The following LRRTM4 variants were observed in gnomAD, a reference collection of about 807,000 sequenced individuals.
LRRTM4 encodes leucine rich repeat transmembrane neuronal 4.
Under a neutral mutation model 47.6 loss-of-function variants are expected in LRRTM4, and 25 were observed. The ratio of observed to expected loss-of-function variants is 0.53; its 90% CI spans 0.38 to 0.73. The LOEUF (loss-of-function observed/expected upper bound fraction) is 0.73. Ranked by LOEUF, LRRTM4 falls within the 30% of genes least tolerant of loss-of-function variation. LRRTM4 has a pLI of 0.00. For missense variants in LRRTM4, 638 were observed against 713.4 expected, an observed-to-expected ratio of 0.89 and a Z score of 1.20; for synonymous variants, 311 against 269.5, an observed-to-expected ratio of 1.15 and a Z score of -1.51.
intron 3 of LRRTM4, among the ~76,000 whole-genome samples, chr2:77,164,791 A>G (rs934110621): frequency 6.6e-6 from 1 of 152,200 alleles, no homozygotes; most frequent in Non-Finnish European, 1.5e-5. Flanking sequence ...ACATGCCAAA[A>G]TCTCTGGGAC....
intron 3 of LRRTM4, among the ~76,000 whole-genome samples, chr2:76,878,742 T>G (rs1057186567): frequency 6.6e-6 from 1 of 151,936 alleles, no homozygotes; most frequent in African/African-American, 2.4e-5. Flanking sequence ...GGCATGGTGG[T>G]GGGTGCTTGG....
intron 3 of LRRTM4, among the ~76,000 whole-genome samples, chr2:77,198,610 T>C (rs1434536418): frequency 6.6e-6 from 1 of 152,200 alleles, no homozygotes; most frequent in Non-Finnish European, 1.5e-5. Flanking sequence ...ATGAAAAACC[T>C]AGATATATTT....
chr2:76,980,260 G>A (rs1256445996), intron 3 of LRRTM4, among the ~76,000 whole-genome samples: 2 of 152,078 alleles, frequency 1.3e-5, no homozygotes, highest in African/African-American at 2.4e-5. Context: ...GTCCCTGGGG[G>A]AAGCTTCTGC....
intron 3 of LRRTM4, among the ~76,000 whole-genome samples, chr2:77,172,629 A>C (rs965904736): frequency 6.6e-6 from 1 of 152,092 alleles, no homozygotes; most frequent in African/African-American, 2.4e-5. Flanking sequence ...AAATAAATAA[A>C]GTGCTAAACT....
chr2:76,795,382 A>G (rs1320750593), intron 3 of LRRTM4, among the ~76,000 whole-genome samples: 2 of 152,102 alleles, frequency 1.3e-5, no homozygotes, highest in Non-Finnish European at 2.9e-5. Flanking sequence ...ATATAAGACA[A>G]TTAACAAAAA....
chr2:77,008,715 C>T (rs753630094), intron 3 of LRRTM4, among the ~76,000 whole-genome samples: 1 of 152,060 alleles, frequency 6.6e-6, no homozygotes, highest in East Asian at 1.9e-4. Flanking sequence ...ATCAACTCAG[C>T]GAATTTATTG....
intron 3 of LRRTM4, among the ~76,000 whole-genome samples, chr2:77,191,256 C>G (rs1181475669): frequency 6.6e-6 from 1 of 151,720 alleles, no homozygotes; most frequent in Non-Finnish European, 1.5e-5. Context: ...TCTTTCAAAA[C>G]ACACTCCTAG....
chr2:77,058,848 G>T lies in LRRTM4; in HGVS notation c.1552-309932C>A, dbSNP rs58565832. Among the ~76,000 whole-genome samples the T allele has an allele frequency of 5.2e-3, 798 of 152,100 alleles. 8 individuals carry two copies. The highest frequency in any genetic ancestry group is 0.018 in the African/African-American group (767 of 41,496). On this transcript the variant is annotated intron_variant, in intron 3 of 3. Transcript: ENST00000409884. ...TATTACTTATATCAATCTAATATAGGTAATATTGGATACTTAGTTCCTTTG... is the reference window on the plus strand; with the variant it reads ...TATTACTTATATCAATCTAATATAGTTAATATTGGATACTTAGTTCCTTTG...
At chr2:76,897,899 T>C (rs1673477520) in intron 3 of LRRTM4, among the ~76,000 whole-genome samples, 1 of 152,168 alleles carries the variant, frequency 6.6e-6, no homozygotes, top group Admixed American at 6.6e-5. Flanking sequence ...TAAGACGTTT[T>C]CCATACTGGT....
rs142791312 is a variant in LRRTM4 at position 76,784,841 on chromosome 2, AAACT to A, written c.1552-35929_1552-35926del. On this transcript the variant is annotated intron_variant, in intron 3 of 3. Transcript: ENST00000409884. ...TGAAATACTAAATATACCTTAAAGGAAACTAACTGTTCAGCCCAGCATGTAGTGA... is the reference window on the plus strand; with the variant it reads ...TGAAATACTAAATATACCTTAAAGGAAACTGTTCAGCCCAGCATGTAGTGA... Among the ~76,000 whole-genome samples the A allele has an allele frequency of 5.5e-3, 832 of 152,256 alleles. 7 individuals are homozygous for A. The highest frequency in any genetic ancestry group is 0.018 in the African/African-American group (755 of 41,590).
At chr2:77,127,123 A>T (rs972983592) in intron 3 of LRRTM4, among the ~76,000 whole-genome samples, 3 of 152,056 alleles carry the variant, frequency 2.0e-5, no homozygotes, top group African/African-American at 7.2e-5. Context: ...CATTTCTAAA[A>T]TTTTTATTTT....
chr2:77,519,066 A>G lies in LRRTM4; in HGVS notation c.803T>C (p.Ile268Thr). ...LDLSGNDIQG[I>T]EPGTFKCLPN... ...GAGGCATTTAAATGTGCCCGGCTCAATTCCTTGGATGTCATTCCCTGATAA... is the reference window on the plus strand; with the variant it reads ...GAGGCATTTAAATGTGCCCGGCTCAGTTCCTTGGATGTCATTCCCTGATAA... Residue 268 changes from isoleucine (I) to threonine (T), a missense_variant, in exon 3 of 4, where the codon ATT becomes ACT. By Grantham distance (89) the Ile-to-Thr change is moderately conservative. Transcript: ENST00000409884. The surrounding 1 kb of genome is among the most constrained non-coding windows in gnomAD (Gnocchi z 4.6). 1 of 1,612,748 alleles carries G rather than the reference A, an allele frequency of 6.2e-7. No homozygotes were observed.
chr2:77,071,897 C>G (rs1313311024), intron 3 of LRRTM4, among the ~76,000 whole-genome samples: 1 of 152,168 alleles, frequency 6.6e-6, no homozygotes, highest in African/African-American at 2.4e-5. Flanking sequence ...CTACATACCA[C>G]CTCCACTACA....
rs530874742 is a variant in LRRTM4, at chr2:77,090,007, G to GT, written c.1552-341092dup. ...TAACCCCAAGCATCGCTGAGTCTTT[G>GT]TTATCTTCCTTTTCTACAGACCCAC... On this transcript the variant is annotated intron_variant, in intron 3 of 3. Coordinates refer to ENST00000409884, the MANE Select transcript of LRRTM4 (RefSeq NM_001134745.3). Among the ~76,000 whole-genome samples, 317 of 152,092 alleles carry GT rather than the reference G, an allele frequency of 2.1e-3. 1 individual carries two copies. Among genetic ancestry groups the GT allele is most frequent in the Middle Eastern group, 0.01 (3 of 294 alleles).
chr2:76,982,002 G>A (rs1347147569), intron 3 of LRRTM4, among the ~76,000 whole-genome samples: 3 of 151,906 alleles, frequency 2.0e-5, no homozygotes, highest in African/African-American at 7.2e-5. Flanking sequence ...TGATGCAAGG[G>A]GGCTTATAAC....
At chr2:77,070,701 G>A (rs115485822) in intron 3 of LRRTM4, among the ~76,000 whole-genome samples, 6,045 of 152,106 alleles carry the variant, frequency 0.04, 241 homozygotes, top group African/African-American at 0.095. Flanking sequence ...CATGCTCTCC[G>A]CTCACTGCAT....
At chr2:77,097,280 A>G (rs1271956850) in intron 3 of LRRTM4, among the ~76,000 whole-genome samples, 2 of 151,936 alleles carry the variant, frequency 1.3e-5, no homozygotes, top group African/African-American at 2.4e-5. Context: ...CCCATCCCCC[A>G]TTATTTTGGA....
At chr2:77,410,509 CT>C (rs1172165330) in intron 3 of LRRTM4, among the ~76,000 whole-genome samples, 1 of 152,112 alleles carries the variant, frequency 6.6e-6, no homozygotes, top group African/African-American at 2.4e-5. Flanking sequence ...TCAGGGAATA[CT>C]TTCCAATCTG....
At chr2:76,907,554 G>T (rs971881198) in intron 3 of LRRTM4, among the ~76,000 whole-genome samples, 2 of 146,144 alleles carry the variant, frequency 1.4e-5, no homozygotes, top group East Asian at 2.1e-4. Context: ...GAATCCAGGA[G>T]CTGGTTTTTT....
Sources: allele counts gnomAD v4.1 joint callset (sites outside exome capture counted in the v4.1 genomes callset), GRCh38; gene constraint gnomAD v4.1.1; non-coding constraint Gnocchi (gnomAD v3.1); transcripts MANE v1.5; gene names NCBI Gene and HGNC (gene_info 2026-07-23, HGNC 2026-07-21).